Variants in AANAT observed in about 807,000 individuals in gnomAD.
AANAT encodes serotonin N-acetyltransferase.
In AANAT, 11 loss-of-function variants were observed where a neutral mutation model predicts 15.6. The observed-to-expected ratio is 0.71, with a 90% confidence interval of 0.44 to 1.17. The LOEUF (loss-of-function observed/expected upper bound fraction) is 1.17, where lower values mean the gene tolerates loss of function less well. Among genes scored for constraint, AANAT ranks in the 50% most tolerant of loss-of-function variants. The pLI, the probability that AANAT is intolerant of heterozygous loss-of-function variation, is 0.00. For missense variants in AANAT, 286 were observed against 296.3 expected, an observed-to-expected ratio of 0.97 and a Z score of 0.26; for synonymous variants, 139 against 131.5, an observed-to-expected ratio of 1.06 and a Z score of -0.39.
At chr17:76,466,072 C>A, upstream of AANAT, 1 of 1,033,172 alleles carries the variant, frequency 9.7e-7, no homozygotes, top group East Asian at 2.7e-5. Flanking sequence ...CCGGAAAGAA[C>A]AGGGCCATGT....
rs989642463 is a variant in AANAT at position 76,469,608 on chromosome 17, G to A, written c.319-57G>A. 2.1e-5 allele frequency: 30 copies of A among 1,425,884 alleles called. No individual in the cohort carries two copies. In the South Asian group the frequency reaches 3.9e-4, roughly 18 times the overall value. 88.3% of individuals were successfully genotyped at this position (1,425,884 alleles called of 1,614,324 possible). A position where few individuals can be genotyped will look rare whatever the true frequency, so the allele number is the denominator to read the frequency against. ...TGCTCCCTGCCTGGGTTGGTGGTTG[G>A]GGGGGAGCACGTGTCAGCAGAAGTG... On this transcript the variant is annotated intron_variant, in intron 3 of 3. Coordinates refer to ENST00000392492, the MANE Select transcript of AANAT (RefSeq NM_001088.3). The surrounding 1 kb of genome is among the most constrained non-coding windows in gnomAD (Gnocchi z 5.2).
rs747907643 is a variant in AANAT at position 76,469,874 on chromosome 17, G to A, written c.528G>A (p.Val176=). 8 of 1,589,066 alleles carry A rather than the reference G, an allele frequency of 5.0e-6. No homozygotes were observed. The East Asian group carries it at 1.4e-4, about 27-fold the overall frequency. Residue 176 remains valine (V), a synonymous_variant, in exon 4 of 4, where the codon GTG becomes GTA. Coordinates refer to ENST00000392492, the MANE Select transcript of AANAT (RefSeq NM_001088.3). The surrounding 1 kb of genome is among the most constrained non-coding windows in gnomAD (Gnocchi z 5.2). ...PFYERFSFHA[V]GPCAITVGSL... ...ATGAGAGGTTCAGCTTCCACGCCGT[G>A]GGCCCCTGCGCCATCACCGTGGGCT...
chr17:76,458,638 G>C (rs1264180684), intron 1 of AANAT, among the ~76,000 whole-genome samples: 1 of 152,150 alleles, frequency 6.6e-6, no homozygotes, highest in Non-Finnish European at 1.5e-5. Context: ...GCCAGCAGCA[G>C]AGTGAACTGG....
At chr17:76,466,239 A>T (rs931302908), upstream of AANAT, 41 of 1,532,680 alleles carry the variant, frequency 2.7e-5, 1 homozygote, top group Non-Finnish European at 3.5e-5. Context: ...GAAGGTGGGG[A>T]TGCCCAGCTG....
At chr17:76,455,358 C>T (rs1028160579) in intron 1 of AANAT, among the ~76,000 whole-genome samples, 7 of 148,866 alleles carry the variant, frequency 4.7e-5, no homozygotes, top group Non-Finnish European at 7.5e-5. Context: ...GGCTGAGACA[C>T]GAGAACCACT....
intron 1 of AANAT, among the ~76,000 whole-genome samples, chr17:76,457,228 A>G (rs1009716487): frequency 6.6e-6 from 1 of 152,082 alleles, no homozygotes; most frequent in African/African-American, 2.4e-5. Context: ...TTTTTAGTAG[A>G]GACGGGGTTT....
At chr17:76,465,148 C>T (rs188980423), upstream of AANAT, among the ~76,000 whole-genome samples, 112 of 152,160 alleles carry the variant, frequency 7.4e-4, no homozygotes, top group Middle Eastern at 0.01. Context: ...TGAACAGGTA[C>T]GACTTGGGGG....
chr17:76,469,312 G>C lies in AANAT; in HGVS notation c.303G>C (p.Lys101Asn), dbSNP rs369158061. The change falls in exon 3 of 4, where the codon AAG (lysine) becomes AAC (asparagine). Residue 101 changes from lysine (K) to asparagine (N), a missense_variant. Transcript: ENST00000392492. The surrounding 1 kb of genome is among the most constrained non-coding windows in gnomAD (Gnocchi z 5.2). ...VAFIIGSLWD[K>N]ERLMQESLTL... ...TCATCATCGGCTCGCTCTGGGACAA[G>C]GAGAGACTCATGCAGGTGAGGACAG... 1.2e-6 allele frequency: 2 copies of C among 1,614,042 alleles called. No homozygotes were observed. The highest frequency in any genetic ancestry group is 1.7e-6 in the Non-Finnish European group (2 of 1,180,026).
chr17:76,460,128 A>C (rs2073373074), intron 2 of AANAT, among the ~76,000 whole-genome samples: 1 of 85,682 alleles, frequency 1.2e-5, no homozygotes, highest in Non-Finnish European at 2.4e-5. Flanking sequence ...CTACTTCAGG[A>C]AATTTTTTTT....
chr17:76,460,067 C>G (rs1293489448), intron 2 of AANAT, among the ~76,000 whole-genome samples: 1 of 151,828 alleles, frequency 6.6e-6, no homozygotes, highest in East Asian at 1.9e-4. Context: ...TCCAACCCCC[C>G]TTCCCCCTCT....
At position 76,470,080 on chromosome 17, in the gene AANAT, TA is replaced by T; in HGVS notation, c.*113del. ...TTCCAGAGAGTGGAGAGAGCAGGGC[TA>T]AATAAAGAGGAGATAAGGTGGCTTC... On this transcript the variant is annotated 3_prime_UTR_variant, in exon 4 of 4. Coordinates refer to ENST00000392492, the MANE Select transcript of AANAT (RefSeq NM_001088.3). 1 of 1,217,240 alleles carries T rather than the reference TA, an allele frequency of 8.2e-7. No individual in the cohort carries two copies. The allele number at this position is 1,217,240 out of a possible 1,614,324, so 75.4% of individuals were successfully genotyped here. A position where few individuals can be genotyped will look rare whatever the true frequency, so the allele number is the denominator to read the frequency against.
chr17:76,465,693 T>G (rs947617447), upstream of AANAT, among the ~76,000 whole-genome samples: 4 of 151,802 alleles, frequency 2.6e-5, no homozygotes, highest in African/African-American at 7.3e-5. Context: ...ACCCTCCTTA[T>G]TTTCCTTCTC....
chr17:76,456,043 T>G (rs937295263), intron 1 of AANAT, among the ~76,000 whole-genome samples: 1 of 146,764 alleles, frequency 6.8e-6, no homozygotes, highest in African/African-American at 2.5e-5. Flanking sequence ...TAAAAGAACA[T>G]GCACAAGGTC....
exon 3 of AANAT, chr17:76,462,404 G>A (rs554293476): frequency 3.7e-4 from 57 of 152,328 alleles, no homozygotes; most frequent in African/African-American, 1.2e-3. Context: ...GACTGCTGAC[G>A]GCTCCCAGCT....
chr17:76,465,048 CA>C (rs1300853758), upstream of AANAT, among the ~76,000 whole-genome samples: 4 of 152,076 alleles, frequency 2.6e-5, no homozygotes, highest in African/African-American at 7.2e-5. Flanking sequence ...CCACCCGCCT[CA>C]GCCTCCCAAA....
chr17:76,461,139 T>G (rs2073384411), intron 2 of AANAT, among the ~76,000 whole-genome samples: 4 of 151,724 alleles, frequency 2.6e-5, no homozygotes, highest in Admixed American at 2.6e-4. Flanking sequence ...CACTCCAGCC[T>G]GGGCGACAGA....
intron 1 of AANAT, among the ~76,000 whole-genome samples, chr17:76,456,934 C>T (rs993282269): frequency 2.6e-5 from 4 of 152,130 alleles, no homozygotes; most frequent in Admixed American, 2.6e-4. Flanking sequence ...AGGGCAGGGG[C>T]TTTTGTAGTT....
intron 1 of AANAT, among the ~76,000 whole-genome samples, chr17:76,457,479 C>T (rs945537780): frequency 1.3e-5 from 2 of 152,136 alleles, no homozygotes; most frequent in Non-Finnish European, 2.9e-5. Flanking sequence ...TCCTGGAAGA[C>T]GTGTTGTGTT....
upstream of AANAT, chr17:76,466,271 CACCA>C (rs1028499588): frequency 5.3e-6 from 8 of 1,500,896 alleles, no homozygotes; most frequent in African/African-American, 5.5e-5. Flanking sequence ...ATGACCACCC[CACCA>C]ACCAAGCCCA....
Sources: gnomAD v4.1 joint callset for allele counts (sites outside exome capture counted in the v4.1 genomes callset) on GRCh38, gnomAD v4.1.1 for gene constraint, Gnocchi (gnomAD v3.1) non-coding constraint, MANE v1.5 for transcripts, NCBI Gene and HGNC (gene_info 2026-07-23, HGNC 2026-07-21) for gene names.